The following NEU3 variants were observed in gnomAD, a reference collection of about 807,000 sequenced individuals.
The protein encoded by NEU3 is sialidase-3.
Under a neutral mutation model 11.4 loss-of-function variants are expected in NEU3, and 10 were observed. That is an observed-to-expected ratio of 0.88 (90% CI 0.54 to 1.49). The LOEUF (loss-of-function observed/expected upper bound fraction) is 1.49. Among genes scored for constraint, NEU3 ranks in the 40% most tolerant of loss-of-function variants. The probability of loss-of-function intolerance (pLI) is 0.00; values close to 1 mark genes in which losing one functional copy is unlikely to be tolerated. For missense variants in NEU3, 529 were observed against 581.8 expected (o/e 0.91, Z 0.93); for synonymous variants, 212 against 228.2 (o/e 0.93, Z 0.64).
intron 3 of NEU3, among the ~76,000 whole-genome samples, chr11:75,017,747 C>T (rs936243872): frequency 6.6e-6 from 1 of 152,090 alleles, no homozygotes; most frequent in African/African-American, 2.4e-5. Flanking sequence ...TGGGGGGATG[C>T]CTCTAGTATA....
Position 75,005,763 on chromosome 11 carries a change from G to A in NEU3, c.657G>A (p.Trp219Ter). The stretch of plus-strand genomic sequence containing the variant: ...CGTATACCTACTACATCCCTTCCTG[G>A]TTCTTTTGCTTCCAGCTACCATGTA... ...IPAYTYYIPS[W>*]FFCFQLPCKT... Residue 219 changes from tryptophan to a stop codon, truncating the protein, a stop_gained, in exon 3 of 3, where the codon TGG becomes TGA. Coordinates refer to ENST00000294064, the MANE Select transcript of NEU3 (RefSeq NM_006656.6). LOFTEE classifies it low-confidence loss of function (END_TRUNC). 6.2e-7 allele frequency: 1 copy of A among 1,613,776 alleles called. No homozygotes were observed. Among genetic ancestry groups the A allele is most frequent in the Non-Finnish European group, 8.5e-7 (1 of 1,179,716 alleles).
chr11:75,015,921 A>G (rs1307790885), intron 3 of NEU3, among the ~76,000 whole-genome samples: 3 of 152,180 alleles, frequency 2.0e-5, no homozygotes, highest in African/African-American at 7.2e-5. Flanking sequence ...ACAGATCTGG[A>G]CAAGTGGGCA....
rs1303791659 is a variant in NEU3, at chr11:75,007,620, C to T, written c.*1128C>T. 6.6e-6 allele frequency: 1 copy of T among 152,148 alleles called. No individual in the cohort carries two copies. The highest frequency in any genetic ancestry group is 6.5e-5 in the Admixed American group (1 of 15,276). The allele number at this position is 152,148 out of a possible 1,614,324, so 9.4% of individuals were successfully genotyped here. ...TCACCATTAGGAAGATCTCTAGACC[C>T]CCAGATCTCAGAATCAGGCCTATTT... On this transcript the variant is annotated 3_prime_UTR_variant, in exon 3 of 3. Transcript: ENST00000294064.
At chr11:74,985,241 T>C (rs189662244), upstream of NEU3, among the ~76,000 whole-genome samples, 10 of 152,286 alleles carry the variant, frequency 6.6e-5, no homozygotes. Context: ...GCTTAAAGAA[T>C]AATAAGATGA....
downstream of NEU3, among the ~76,000 whole-genome samples, chr11:75,015,081 C>T (rs541999001): frequency 2.3e-4 from 35 of 152,144 alleles, no homozygotes; most frequent in South Asian, 2.3e-3. Flanking sequence ...ATGTGTCCTC[C>T]GCAAATTCAT....
At chr11:75,004,270 T>C (rs1360555384) in intron 2 of NEU3, 3 of 680,100 alleles carry the variant, frequency 4.4e-6, no homozygotes, top group East Asian at 2.8e-5. Flanking sequence ...AAGTGTTATG[T>C]CAATTTAGTT....
chr11:74,985,907 C>A (rs1176912971), upstream of NEU3, among the ~76,000 whole-genome samples: 2 of 152,228 alleles, frequency 1.3e-5, no homozygotes, highest in African/African-American at 4.8e-5. Flanking sequence ...AGCAGGTATC[C>A]ACCATAAATC....
chr11:75,019,605 A>G (rs760054959), downstream of NEU3, among the ~76,000 whole-genome samples: 5 of 152,212 alleles, frequency 3.3e-5, no homozygotes, highest in Non-Finnish European at 7.3e-5. Context: ...CACAATGCAT[A>G]TGTGATGGTT....
intron 2 of NEU3, among the ~76,000 whole-genome samples, chr11:75,002,732 G>A (rs1348488394): frequency 6.6e-6 from 1 of 152,224 alleles, no homozygotes; most frequent in African/African-American, 2.4e-5. Flanking sequence ...CATCTGAGAA[G>A]CTTCTCTTAT....
upstream of NEU3, chr11:74,988,821 C>A: frequency 1.9e-6 from 1 of 529,594 alleles, no homozygotes. Flanking sequence ...GGAGGGGCAG[C>A]GCCGAGGGGG....
chr11:75,017,051 G>A (rs1948983678), intron 3 of NEU3, among the ~76,000 whole-genome samples: 1 of 152,182 alleles, frequency 6.6e-6, no homozygotes, highest in Non-Finnish European at 1.5e-5. Context: ...AAATCAGTGA[G>A]GGAAGACCTA....
chr11:75,001,285 C>CTTTTTTTTTTTTTTTTT (rs775188864), intron 2 of NEU3, among the ~76,000 whole-genome samples: 7 of 130,068 alleles, frequency 5.4e-5, no homozygotes, highest in East Asian at 2.2e-4. Flanking sequence ...TTTTTTTTTT[C>CTTTTTTTTTTTTTTTTT]TTTTTTTTTT....
Position 74,988,939 on chromosome 11 carries a change from C to G in NEU3, c.-122C>G. On this transcript the variant is annotated 5_prime_UTR_variant, in exon 1 of 3. Transcript: ENST00000294064. ...GCCGTTACCTGTTTCCGGCAGTCGA[C>G]ACGCTCTTCGCTTCTCGGGGCTTGT... 1 of 767,678 alleles carries G rather than the reference C, an allele frequency of 1.3e-6. No individual in the cohort carries two copies. The highest frequency in any genetic ancestry group is 2.1e-6 in the Non-Finnish European group (1 of 470,096). 47.6% of individuals were successfully genotyped at this position (767,678 alleles called of 1,614,324 possible). A position where few individuals can be genotyped will look rare whatever the true frequency, so the allele number is the denominator to read the frequency against.
chr11:75,020,577 A>G (rs1948999309), downstream of NEU3, among the ~76,000 whole-genome samples: 1 of 152,162 alleles, frequency 6.6e-6, no homozygotes, highest in South Asian at 2.1e-4. Flanking sequence ...GCTGCTATCC[A>G]TGTAAGACGT....
chr11:75,005,264 C>A, intron 2 of NEU3, 149 bp from the exon 3 acceptor site: 1 of 786,432 alleles, frequency 1.3e-6, no homozygotes, highest in Non-Finnish European at 2.0e-6. Context: ...CCTGTAATAT[C>A]CGAGAATTTA....
At chr11:74,984,756 C>T (rs1240290607), upstream of NEU3, among the ~76,000 whole-genome samples, 1 of 152,174 alleles carries the variant, frequency 6.6e-6, no homozygotes, top group Non-Finnish European at 1.5e-5. Context: ...TTTAGTTGCT[C>T]ACAGTCTGCT....
upstream of NEU3, among the ~76,000 whole-genome samples, chr11:74,983,910 G>A (rs188367648): frequency 1.3e-5 from 2 of 152,294 alleles, no homozygotes; most frequent in Admixed American, 6.5e-5. Context: ...GATGGTTTAT[G>A]ATTGTTGGTT....
At position 74,989,171 on chromosome 11, in the gene NEU3, G is replaced by A. The variant is rs957618055; in HGVS notation, c.94+17G>A. 1 of 1,545,268 alleles carries A rather than the reference G, an allele frequency of 6.5e-7. No homozygotes were observed. Among genetic ancestry groups the A allele is most frequent in the Non-Finnish European group, 8.8e-7 (1 of 1,141,782 alleles). ...CCAGTGCAGGTGAGCGGGGTTGGGA[G>A]ACAGGAGAGCTCCCCGAGGAGGACT... On this transcript the variant is annotated intron_variant, in intron 1 of 2. Coordinates refer to ENST00000294064, the MANE Select transcript of NEU3 (RefSeq NM_006656.6).
chr11:75,002,213 T>C (rs1591759226), intron 2 of NEU3, among the ~76,000 whole-genome samples: 1 of 152,192 alleles, frequency 6.6e-6, no homozygotes, highest in East Asian at 1.9e-4. Flanking sequence ...TAGACCCAGA[T>C]CATGTAAAAA....
Sources: gnomAD v4.1 joint callset for allele counts (sites outside exome capture counted in the v4.1 genomes callset) on GRCh38, gnomAD v4.1.1 for gene constraint, MANE v1.5 for transcripts, NCBI Gene and HGNC (gene_info 2026-07-23, HGNC 2026-07-21) for gene names.